ZKSCAN1: variants seen among roughly 807,000 people sequenced by gnomAD.
The protein encoded by ZKSCAN1 is zinc finger protein with KRAB and SCAN domains 1.
Under a neutral mutation model 51.6 loss-of-function variants are expected in ZKSCAN1, and 14 were observed. The ratio of observed to expected loss-of-function variants is 0.27; its 90% CI spans 0.18 to 0.42. The LOEUF (loss-of-function observed/expected upper bound fraction) is 0.42. Among genes scored for constraint, ZKSCAN1 ranks in the 10% least tolerant of loss-of-function variants. The probability of loss-of-function intolerance (pLI) is 1.00; values close to 1 mark genes in which losing one functional copy is unlikely to be tolerated. For missense variants in ZKSCAN1, 531 were observed against 710.0 expected, an observed-to-expected ratio of 0.75 and a Z score of 2.86; for synonymous variants, 263 against 261.5, an observed-to-expected ratio of 1.01 and a Z score of -0.06.
chr7:100,044,894 G>A, downstream of ZKSCAN1: 2 of 985,326 alleles, frequency 2.0e-6, no homozygotes, highest in Non-Finnish European at 2.4e-6. Flanking sequence ...CTGCTCTAAG[G>A]GAAGTCACGG....
At chr7:100,018,053 AT>A (rs1462970528) in intron 1 of ZKSCAN1, among the ~76,000 whole-genome samples, 1 of 152,202 alleles carries the variant, frequency 6.6e-6, no homozygotes, top group Non-Finnish European at 1.5e-5. Flanking sequence ...CGGCAACTCT[AT>A]GGGACAAATG....
intron 3 of ZKSCAN1, among the ~76,000 whole-genome samples, chr7:100,028,251 G>A (rs997378629): frequency 1.3e-5 from 2 of 152,054 alleles, no homozygotes; most frequent in Non-Finnish European, 2.9e-5. Context: ...TATTTGGGAG[G>A]CTGAGGCAGC....
chr7:100,042,019 T>C (rs1791611526), downstream of ZKSCAN1, among the ~76,000 whole-genome samples: 1 of 152,136 alleles, frequency 6.6e-6, no homozygotes, highest in Non-Finnish European at 1.5e-5. Context: ...CAACAGACTC[T>C]TTAAGACTGA....
In ZKSCAN1 at chr7:100,030,233, T is replaced by C. The variant is rs756351437; in HGVS notation, c.673-16T>C. The C allele has an allele frequency of 4.0e-5, 64 of 1,611,458 alleles. No individual in the cohort carries two copies. Among genetic ancestry groups the C allele is most frequent in the Middle Eastern group, 3.4e-4 (2 of 5,944 alleles). On this transcript the variant is annotated splice_polypyrimidine_tract_variant and intron_variant, in intron 4 of 5. Coordinates refer to ENST00000324306, the MANE Select transcript of ZKSCAN1 (RefSeq NM_003439.4). Reference sequence around the variant, plus strand: ...GAGTTTGGGGGGAAATGACTGTTTGTCTCGTGTTATTTTAGGCAATGGTGA... The same window carrying C: ...GAGTTTGGGGGGAAATGACTGTTTGCCTCGTGTTATTTTAGGCAATGGTGA...
chr7:100,033,557 G>A lies in ZKSCAN1; in HGVS notation c.1052G>A (p.Gly351Glu). ...ITGERGPREK[G>E]KGLGRSFSLS... ...GGAGAGAGAGGTCCAAGGGAGAAGGGGAAAGGATTGGGAAGAAGCTTCAGT... is the reference window on the plus strand; with the variant it reads ...GGAGAGAGAGGTCCAAGGGAGAAGGAGAAAGGATTGGGAAGAAGCTTCAGT... Residue 351 changes from glycine (G) to glutamate (E), a missense_variant, in exon 6 of 6, where the codon GGG becomes GAG. Gly to Glu is a moderately conservative substitution (Grantham distance 98). This residue lies in a region of ZKSCAN1 where 403 missense variants were observed against 490.5 expected (regional missense o/e 0.82). Coordinates refer to ENST00000324306, the MANE Select transcript of ZKSCAN1 (RefSeq NM_003439.4). This position sits in a 1 kb window ranked among gnomAD's most constrained non-coding sequence, Gnocchi z 4.1. 1 of 1,614,100 alleles carries A rather than the reference G, an allele frequency of 6.2e-7. No individual in the cohort carries two copies. Among genetic ancestry groups the A allele is most frequent in the Non-Finnish European group, 8.5e-7 (1 of 1,180,032 alleles).
Position 100,015,625 on chromosome 7 carries a change from G to T in ZKSCAN1, c.-190G>T, listed in dbSNP as rs1168391598. On this transcript the variant is annotated 5_prime_UTR_variant, in exon 1 of 6. Coordinates refer to ENST00000324306, the MANE Select transcript of ZKSCAN1 (RefSeq NM_003439.4). ...CTCATTGTGTCTGTGTCGAGGCGTC[G>T]GGAGGGCCTAAGTCCGTGTGCGGTG... 2 of 152,264 alleles carry T rather than the reference G, an allele frequency of 1.3e-5. No individual in the cohort carries two copies. The highest frequency in any genetic ancestry group is 4.8e-5 in the African/African-American group (2 of 41,448). 9.4% of individuals were successfully genotyped at this position (152,264 alleles called of 1,614,324 possible). A position where few individuals can be genotyped will look rare whatever the true frequency, so the allele number is the denominator to read the frequency against.
At chr7:100,027,673 G>A (rs1263443226) in intron 3 of ZKSCAN1, among the ~76,000 whole-genome samples, 4 of 150,636 alleles carry the variant, frequency 2.7e-5, no homozygotes, top group African/African-American at 9.8e-5. Flanking sequence ...GCGTGAACCC[G>A]GGAGGCGGAG....
chr7:100,024,232 T>A lies in ZKSCAN1; in HGVS notation c.505T>A (p.Phe169Ile). 1 of 1,614,130 alleles carries A rather than the reference T, an allele frequency of 6.2e-7. No individual in the cohort carries two copies. The highest frequency in any genetic ancestry group is 8.5e-7 in the Non-Finnish European group (1 of 1,180,030). Residue 169 changes from phenylalanine to isoleucine, a missense_variant, in exon 3 of 6, where the codon TTT (phenylalanine) becomes ATT (isoleucine). By Grantham distance (21) the Phe-to-Ile change is conservative. Around this residue, in one of 2 missense-constraint regions of ZKSCAN1, gnomAD observed 403 missense variants for 490.5 expected, o/e 0.82. Coordinates refer to ENST00000324306, the MANE Select transcript of ZKSCAN1 (RefSeq NM_003439.4). ...PLDPVQESSS[F>I]DLHHEATQSH... is the part of the protein sequence containing the mutation. ...GGATCCAGTTCAGGAGTCCTCGAGC[T>A]TTGACCTTCATCACGAGGCCACCCA...
chr7:100,030,778 C>G (rs947843815), intron 5 of ZKSCAN1, among the ~76,000 whole-genome samples: 1 of 152,116 alleles, frequency 6.6e-6, no homozygotes, highest in Admixed American at 6.5e-5. Context: ...ACCCATTGTC[C>G]CGGTACCACA....
intron 5 of ZKSCAN1, 47 bp downstream of exon 5, chr7:100,030,422 C>A: frequency 1.3e-6 from 2 of 1,582,886 alleles, no homozygotes; most frequent in South Asian, 1.1e-5. Context: ...TTTTGTCTCT[C>A]TGTGTGTTAG....
rs748607222 is a variant in ZKSCAN1, at chr7:100,034,139, C to T, written c.1634C>T (p.Ser545Phe). ...HHRIHARERA[S>F]EYSPASLDAF... is the part of the protein sequence containing the mutation. The stretch of plus-strand genomic sequence containing the variant: ...AGAATCCATGCCAGAGAGAGAGCCT[C>T]TGAGTACAGCCCAGCCTCCCTTGAT... Residue 545 changes from serine (S) to phenylalanine (F), a missense_variant, in exon 6 of 6, where the codon TCT becomes TTT. Transcript: ENST00000324306. 8 of 1,581,508 alleles carry T rather than the reference C, an allele frequency of 5.1e-6. No homozygotes were observed. In the Admixed American group the frequency reaches 7.2e-5, roughly 14 times the overall value.
chr7:100,021,402 A>G (rs1345260026), intron 1 of ZKSCAN1, among the ~76,000 whole-genome samples: 1 of 152,078 alleles, frequency 6.6e-6, no homozygotes, highest in East Asian at 1.9e-4. Context: ...TGCTGGTATT[A>G]CAGGCATGAG....
chr7:100,018,791 G>A (rs1446746799), intron 1 of ZKSCAN1, among the ~76,000 whole-genome samples: 1 of 152,178 alleles, frequency 6.6e-6, no homozygotes, highest in Non-Finnish European at 1.5e-5. Flanking sequence ...ATAAAACCCA[G>A]CCTTTCCACT....
Position 100,039,737 on chromosome 7 carries a change from G to A in ZKSCAN1, c.*5540G>A. On this transcript the variant is annotated 3_prime_UTR_variant, in exon 6 of 6. Transcript: ENST00000324306. The stretch of plus-strand genomic sequence containing the variant: ...CAGTGACAGCAGTACTTCCCAGGGT[G>A]GGGGCCATATTTCTCTGTGTCCTAC... 1 of 985,378 alleles carries A rather than the reference G, an allele frequency of 1.0e-6. No homozygotes were observed. Among genetic ancestry groups the A allele is most frequent in the Non-Finnish European group, 1.2e-6 (1 of 829,938 alleles). The allele number at this position is 985,378 out of a possible 1,614,324, so 61.0% of individuals were successfully genotyped here.
chr7:100,043,589 G>T (rs1273828530), downstream of ZKSCAN1, among the ~76,000 whole-genome samples: 3 of 151,330 alleles, frequency 2.0e-5, no homozygotes, highest in Non-Finnish European at 2.9e-5. Flanking sequence ...GCCCAGGCTG[G>T]TCTCAAATTC....
chr7:100,044,849 G>A (rs1421494003), downstream of ZKSCAN1: 7 of 985,242 alleles, frequency 7.1e-6, no homozygotes, highest in Non-Finnish European at 8.4e-6. Context: ...AAAAGGACAT[G>A]TTCGGAGTTG....
At chr7:100,029,448 C>T (rs1206938166) in intron 3 of ZKSCAN1, among the ~76,000 whole-genome samples, 1 of 152,074 alleles carries the variant, frequency 6.6e-6, no homozygotes, top group East Asian at 1.9e-4. Flanking sequence ...TTCTCATATC[C>T]TGGTATCGTT....
intron 1 of ZKSCAN1, among the ~76,000 whole-genome samples, chr7:100,022,210 G>A (rs961798657): frequency 2.6e-5 from 4 of 152,058 alleles, no homozygotes; most frequent in Non-Finnish European, 5.9e-5. Context: ...GCCCGCCACC[G>A]CGCCCAGCTA....
intron 5 of ZKSCAN1, among the ~76,000 whole-genome samples, chr7:100,030,756 C>T (rs1220818087): frequency 1.3e-5 from 2 of 152,078 alleles, no homozygotes; most frequent in African/African-American, 4.8e-5. Context: ...ACTGATCATC[C>T]GTCTAATCCC....
Sources: allele counts gnomAD v4.1 joint callset (sites outside exome capture counted in the v4.1 genomes callset), GRCh38; gene constraint gnomAD v4.1.1; regional missense constraint gnomAD v4.1.1; non-coding constraint Gnocchi (gnomAD v3.1); transcripts MANE v1.5; gene names NCBI Gene and HGNC (gene_info 2026-07-23, HGNC 2026-07-21).